PROKR2: variants seen among roughly 807,000 people sequenced by gnomAD.
The protein encoded by PROKR2 is G protein-coupled receptor 73-like 1.
Under a neutral mutation model 23.4 loss-of-function variants are expected in PROKR2, and 26 were observed. The ratio of observed to expected loss-of-function variants is 1.11; its 90% confidence interval spans 0.81 to 1.54. PROKR2 has a LOEUF of 1.54. Among genes scored for constraint, PROKR2 ranks in the 40% most tolerant of loss-of-function variants. The pLI is 0.00. For missense variants in PROKR2, 453 were observed against 511.5 expected (o/e 0.89, Z 1.10); for synonymous variants, 212 against 201.2 (o/e 1.05, Z -0.45).
rs141090506 is a variant in PROKR2 at position 5,314,117 on chromosome 20, G to C, written c.253C>G (p.Arg85Gly). Residue 85 changes from arginine (R) to glycine (G), a missense_variant, in exon 2 of 3, where the codon CGC becomes GGC. By Grantham distance (125) the Arg-to-Gly change is moderately radical (BLOSUM62 -2). Coordinates refer to ENST00000678254, the MANE Select transcript of PROKR2 (RefSeq NM_144773.4). ...GCAATGAGCAGATTGGTGAGGTTGC[G>C]CAACTTCTTATAGCGGGTGAGGGCA... Reference protein sequence around the residue: ...IAALTRYKKLRNLTNLLIANL... With the variant: ...IAALTRYKKLGNLTNLLIANL... The C allele has an allele frequency of 2.8e-4, 456 of 1,614,178 alleles. No homozygotes were observed. In the African/African-American group the frequency reaches 5.6e-3, roughly 20 times the overall value.
chr20:5,314,274 A>G lies in PROKR2; in HGVS notation c.96T>C (p.Asp32=), dbSNP rs1318092069. ...CATCCTCATCCATAGGGAGGTCATA[A>G]TCACCATAACTGAAGTTAAAGGAGA... The part of the protein sequence containing the change: ...SSLSFNFSYG[D]YDLPMDEDED... Residue 32 remains aspartate, a synonymous_variant, in exon 2 of 3, where the codon GAT becomes GAC. Transcript: ENST00000678254. The G allele has an allele frequency of 6.2e-7, 1 of 1,614,220 alleles. No homozygotes were observed. The highest frequency in any genetic ancestry group is 1.1e-5 in the South Asian group (1 of 91,082).
chr20:5,315,235 G>GAATTCCATGCAAAAAAAA (rs1330572086), intron 1 of PROKR2, among the ~76,000 whole-genome samples: 4 of 150,072 alleles, frequency 2.7e-5, no homozygotes, highest in Non-Finnish European at 4.5e-5. Context: ...ACCAGCTCCA[G>GAATTCCATGCAAAAAAAA]AAAGAAATCC....
chr20:5,302,434 G>A lies in PROKR2; in HGVS notation c.761C>T (p.Ala254Val). Residue 254 changes from alanine (A) to valine (V), a missense_variant, in exon 3 of 3, where the codon GCA (alanine) becomes GTA (valine). Transcript: ENST00000678254. ...CTGCTCCGTCTGGAACCCAGGGACT[G>A]CCTTGAACCAGAGCTCCCGGGAGAT... ...ARISRELWFK[A>V]VPGFQTEQIR... 6.2e-7 allele frequency: 1 copy of A among 1,614,192 alleles called. No homozygotes were observed. Among genetic ancestry groups the A allele is most frequent in the Non-Finnish European group, 8.5e-7 (1 of 1,180,044 alleles).
chr20:5,309,820 G>T (rs1436991319), intron 2 of PROKR2, among the ~76,000 whole-genome samples: 1 of 152,204 alleles, frequency 6.6e-6, no homozygotes, highest in Non-Finnish European at 1.5e-5. Context: ...ATGCCAAAGG[G>T]AATTTCCACA....
rs1978986974 is a variant in PROKR2, at chr20:5,301,530, C to T, written c.*510G>A. Among the ~76,000 whole-genome samples, 1 of 152,226 alleles carries T rather than the reference C, an allele frequency of 6.6e-6. No individual in the cohort carries two copies. Among genetic ancestry groups the T allele is most frequent in the African/African-American group, 2.4e-5 (1 of 41,454 alleles). On this transcript the variant is annotated 3_prime_UTR_variant, in exon 3 of 3. Transcript: ENST00000678254. ...ACAGGCATGAGCCATCATGCCTGGC[C>T]TATAGCCTTTTGATATTCCTGCACT...
In PROKR2 at chr20:5,313,985, C is replaced by A; in HGVS notation, c.385G>T (p.Ala129Ser). ...ACGGTGCGCAGGTAGTTGACGGAGG[C>A]ACAGAGCACGTGGCCATGCTCCCAG... Reference protein sequence around the residue: ...LSWEHGHVLCASVNYLRTVSL... With the variant: ...LSWEHGHVLCSSVNYLRTVSL... Residue 129 changes from alanine (A) to serine (S), a missense_variant, in exon 2 of 3, where the codon GCC (alanine) becomes TCC (serine). By Grantham distance (99) the Ala-to-Ser change is moderately conservative (BLOSUM62 1). Coordinates refer to ENST00000678254, the MANE Select transcript of PROKR2 (RefSeq NM_144773.4). 1 of 1,614,198 alleles carries A rather than the reference C, an allele frequency of 6.2e-7. No homozygotes were observed. The highest frequency in any genetic ancestry group is 8.5e-7 in the Non-Finnish European group (1 of 1,180,030).
intron 2 of PROKR2, among the ~76,000 whole-genome samples, chr20:5,303,424 A>C (rs1336133904): frequency 6.6e-6 from 1 of 152,178 alleles, no homozygotes; most frequent in Non-Finnish European, 1.5e-5. Context: ...GCCTTGCCCA[A>C]GCTCACATCA....
chr20:5,304,712 G>T (rs1979152002), intron 2 of PROKR2, among the ~76,000 whole-genome samples: 1 of 152,158 alleles, frequency 6.6e-6, no homozygotes, highest in Non-Finnish European at 1.5e-5. Context: ...ATAAAACAGG[G>T]ACCAAAAGAA....
Position 5,313,786 on chromosome 20 carries a change from A to G in PROKR2, c.458+126T>C, listed in dbSNP as rs16990875. ...AACAGAACTCAACTGGAGAAACAAG[A>G]CCTCCTCTTGCCCTCCAAAGATTGG... is the stretch of plus-strand genomic sequence containing the variant. On this transcript the variant is annotated intron_variant, in intron 2 of 2. Transcript: ENST00000678254. The G allele has an allele frequency of 0.12, 96,644 of 821,900 alleles. 6,063 individuals carry two copies. The highest frequency in any genetic ancestry group is 0.13 in the South Asian group (7,679 of 61,336). The allele number at this position is 821,900 out of a possible 1,614,324, so 50.9% of individuals were successfully genotyped here.
Position 5,314,053 on chromosome 20 carries a change from C to G in PROKR2, c.317G>C (p.Cys106Ser). Reference sequence around the variant, plus strand: ...GTAGTAGTCCATCTCGAAGGGGCAGCAGATGATGGCCACCAGGAAGTCGGA... The same window carrying G: ...GTAGTAGTCCATCTCGAAGGGGCAGGAGATGATGGCCACCAGGAAGTCGGA... ...AISDFLVAIICCPFEMDYYVV... is the reference protein window; with the variant it reads ...AISDFLVAIISCPFEMDYYVV... Residue 106 changes from cysteine (C) to serine (S), a missense_variant, in exon 2 of 3, where the codon TGC (cysteine) becomes TCC (serine). By Grantham distance (112) the Cys-to-Ser change is moderately radical. Transcript: ENST00000678254. The G allele has an allele frequency of 1.9e-6, 3 of 1,614,210 alleles. No homozygotes were observed. The highest frequency in any genetic ancestry group is 1.7e-6 in the Non-Finnish European group (2 of 1,180,044).
Position 5,302,184 on chromosome 20 carries a change from C to T in PROKR2, c.1011G>A (p.Lys337=). The T allele has an allele frequency of 6.2e-7, 1 of 1,614,214 alleles. No homozygotes were observed. ...TCTTGAAGTACTTCATGGTGTTGTT[C>T]TTGACCGTCACGAAGCACACGGTGT... ...MINTVCFVTV[K]NNTMKYFKKM... Residue 337 remains lysine, a synonymous_variant, in exon 3 of 3, where the codon AAG becomes AAA. Transcript: ENST00000678254.
intron 2 of PROKR2, 58 bp from the exon 3 acceptor site, chr20:5,302,794 T>C (rs1807816233): frequency 7.6e-7 from 1 of 1,309,836 alleles, no homozygotes; most frequent in Non-Finnish European, 1.1e-6. Flanking sequence ...CGTTAGTTTG[T>C]AACTAACCCC....
rs1203118124 is a variant in PROKR2 at position 5,301,469 on chromosome 20, G to GA, written c.*570_*571insT. 2.0e-5 allele frequency among the ~76,000 whole-genome samples: 3 copies of GA among 152,158 alleles called. No individual in the cohort carries two copies. The highest frequency in any genetic ancestry group is 4.4e-5 in the Non-Finnish European group (3 of 68,030). ...CTGGGTTGAACTCCTGACCTCAAGT[G>GA]TTCCACGTGCCTCAGCCTCCCCAAG... On this transcript the variant is annotated 3_prime_UTR_variant, in exon 3 of 3. Transcript: ENST00000678254.
At chr20:5,308,359 G>T (rs538686598) in intron 2 of PROKR2, among the ~76,000 whole-genome samples, 2 of 152,208 alleles carry the variant, frequency 1.3e-5, no homozygotes, top group African/African-American at 4.8e-5. Flanking sequence ...GCAGAAAACC[G>T]CTTAAAGGCG....
At chr20:5,315,909 G>A (rs879879854) in intron 1 of PROKR2, 6 of 456,298 alleles carry the variant, frequency 1.3e-5, no homozygotes, top group Admixed American at 1.2e-4. Context: ...CGCCCGGGCT[G>A]GGACAGGTCC....
At position 5,304,034 on chromosome 20, in the gene PROKR2, G is replaced by T. The variant is rs536661431; in HGVS notation, c.459-1298C>A. ...GCCAGCTAAAGCTAAAGCGGCAAAG[G>T]AGGGAGAGGTTCATCCCTACTCTTC... On this transcript the variant is annotated intron_variant, in intron 2 of 2. Coordinates refer to ENST00000678254, the MANE Select transcript of PROKR2 (RefSeq NM_144773.4). Among the ~76,000 whole-genome samples the T allele has an allele frequency of 2.6e-5, 4 of 152,280 alleles. No individual in the cohort carries two copies. In the East Asian group the frequency reaches 7.7e-4, roughly 29 times the overall value.
chr20:5,316,830 C>T lies in PROKR2; in HGVS notation c.-345G>A, dbSNP rs1979700393. Among the ~76,000 whole-genome samples the T allele has an allele frequency of 6.6e-6, 1 of 152,242 alleles. No homozygotes were observed. Among genetic ancestry groups the T allele is most frequent in the Non-Finnish European group, 1.5e-5 (1 of 68,040 alleles). On this transcript the variant is annotated 5_prime_UTR_variant, in exon 1 of 3. Coordinates refer to ENST00000678254, the MANE Select transcript of PROKR2 (RefSeq NM_144773.4). This position sits in a 1 kb window ranked among gnomAD's most constrained non-coding sequence, Gnocchi z 5.0. The stretch of plus-strand genomic sequence containing the variant: ...AAGGGTGGATGCCCAGCTCCCCCAC[C>T]CCACCGCGTGCTCTCGGGCTGGTGC...
At position 5,302,094 on chromosome 20, in the gene PROKR2, G is replaced by A. The variant is rs774282454; in HGVS notation, c.1101C>T (p.Leu367=). The part of the protein sequence containing the change: ...RGSKSSADLD[L]RTNGVPTTEE... ...CTGTGGTGGGCACCCCGTTGGTTCTGAGGTCAAGGTCAGCACTGGACTTGC... is the reference window on the plus strand; with the variant it reads ...CTGTGGTGGGCACCCCGTTGGTTCTAAGGTCAAGGTCAGCACTGGACTTGC... The change falls in exon 3 of 3, where the codon CTC becomes CTT. Residue 367 remains leucine, a synonymous_variant. Transcript: ENST00000678254. 4 of 1,614,216 alleles carry A rather than the reference G, an allele frequency of 2.5e-6. No homozygotes were observed. Among genetic ancestry groups the A allele is most frequent in the South Asian group, 1.1e-5 (1 of 91,078 alleles).
At chr20:5,307,440 G>A (rs2145092) in intron 2 of PROKR2, among the ~76,000 whole-genome samples, 77,631 of 152,006 alleles carry the variant, frequency 0.51, 20,127 homozygotes, top group African/African-American at 0.61. Flanking sequence ...AGTATTTACC[G>A]TAATAAATCT....
Sources: gnomAD v4.1 joint callset for allele counts (sites outside exome capture counted in the v4.1 genomes callset) on GRCh38, gnomAD v4.1.1 for gene constraint, Gnocchi (gnomAD v3.1) non-coding constraint, MANE v1.5 for transcripts, NCBI Gene and HGNC (gene_info 2026-07-23, HGNC 2026-07-21) for gene names.